UNC79: variants seen among roughly 807,000 people sequenced by gnomAD.
The protein encoded by UNC79 is protein unc-79 homolog.
Under a neutral mutation model 283.1 loss-of-function variants are expected in UNC79, and 37 were observed. The observed-to-expected ratio is 0.13, with a 90% CI of 0.10 to 0.17. The LOEUF (loss-of-function observed/expected upper bound fraction) is 0.17, where lower values mean the gene tolerates loss of function less well. UNC79 is among the 10% of genes least tolerant of loss of function. UNC79 has a pLI of 1.00. For synonymous variants in UNC79, 1,107 were observed against 1,200.2 expected, an observed-to-expected ratio of 0.92 and a Z score of 1.61; for missense variants, 2,272 against 3,211.1, an observed-to-expected ratio of 0.71 and a Z score of 7.07.
chr14:93,510,127 A>T (rs1167662281), intron 7 of UNC79, among the ~76,000 whole-genome samples: 1 of 152,184 alleles, frequency 6.6e-6, no homozygotes, highest in African/African-American at 2.4e-5. Context: ...CCTTTTAGCC[A>T]CAGCTGGAGC....
chr14:93,426,080 G>A (rs2055719481), upstream of UNC79, among the ~76,000 whole-genome samples: 1 of 151,954 alleles, frequency 6.6e-6, no homozygotes, highest in East Asian at 1.9e-4. Context: ...GGACTTTTTT[G>A]TGTGTGCCAA....
At chr14:93,571,796 T>C (rs2063220960) in intron 14 of UNC79, 98 bp from the exon 15 acceptor site, 1 of 1,254,398 alleles carries the variant, frequency 8.0e-7, no homozygotes, top group East Asian at 2.5e-5. Flanking sequence ...TGATGGATTG[T>C]GGCCTTTCTC....
At chr14:93,571,158 G>A (rs2063185948) in intron 14 of UNC79, among the ~76,000 whole-genome samples, 1 of 152,112 alleles carries the variant, frequency 6.6e-6, no homozygotes, top group South Asian at 2.1e-4. Context: ...TTAAATTAAG[G>A]TAGTTTCTCA....
At chr14:93,604,903 G>A (rs2065775353) in intron 26 of UNC79, 8 of 1,581,914 alleles carry the variant, frequency 5.1e-6, no homozygotes, top group South Asian at 1.1e-5. Context: ...AAGCTATGAG[G>A]TTGACCAGGC....
intron 4 of UNC79, among the ~76,000 whole-genome samples, chr14:93,479,945 A>G (rs566851910): frequency 1.2e-4 from 19 of 152,314 alleles, no homozygotes; most frequent in African/African-American, 1.9e-4. Context: ...GCTTTCTAAC[A>G]ATTAATCTAA....
At chr14:93,378,709 G>A (rs2054609058) in intron 1 of UNC79, among the ~76,000 whole-genome samples, 1 of 152,180 alleles carries the variant, frequency 6.6e-6, no homozygotes, top group African/African-American at 2.4e-5. Flanking sequence ...TTTTCCACTT[G>A]TGGCATCATG....
chr14:93,646,626 C>G (rs2069633422), exon 35 of UNC79: 2 of 1,613,716 alleles, frequency 1.2e-6, no homozygotes, highest in African/African-American at 2.7e-5. Flanking sequence ...CCAGTACTAC[C>G]TTTTCTAATC....
chr14:93,383,257 T>C (rs1337486413), intron 1 of UNC79, among the ~76,000 whole-genome samples: 1 of 152,202 alleles, frequency 6.6e-6, no homozygotes, highest in African/African-American at 2.4e-5. Flanking sequence ...GTAGTTTTCA[T>C]TTTCTTTCTT....
intron 7 of UNC79, among the ~76,000 whole-genome samples, chr14:93,514,903 C>T (rs992136939): frequency 2.6e-5 from 4 of 152,186 alleles, no homozygotes; most frequent in African/African-American, 9.7e-5. Context: ...TCAATACCAG[C>T]TTTTTATTAT....
At chr14:93,691,506 C>A in intron 45 of UNC79, 1 of 574,738 alleles carries the variant, frequency 1.7e-6, no homozygotes, top group Non-Finnish European at 3.1e-6. Flanking sequence ...ATTTCTTCAG[C>A]AAATTAAGGT....
intron 31 of UNC79, among the ~76,000 whole-genome samples, chr14:93,635,780 G>A (rs2068460436): frequency 6.6e-6 from 1 of 152,154 alleles, no homozygotes; most frequent in Admixed American, 6.5e-5. Flanking sequence ...GTGATATGTG[G>A]TAGTGAGCAG....
chr14:93,525,218 G>A (rs905789526), intron 8 of UNC79, among the ~76,000 whole-genome samples: 2 of 152,188 alleles, frequency 1.3e-5, no homozygotes, highest in Non-Finnish European at 2.9e-5. Flanking sequence ...GCCGAGGCGG[G>A]TGGATTGCCT....
chr14:93,638,514 T>G (rs1049164836), intron 32 of UNC79, among the ~76,000 whole-genome samples: 5 of 152,224 alleles, frequency 3.3e-5, no homozygotes, highest in Admixed American at 6.5e-5. Context: ...AGCTGGGGGA[T>G]TGATCCATGC....
At chr14:93,551,648 A>G (rs2061904998) in intron 14 of UNC79, among the ~76,000 whole-genome samples, 1 of 152,230 alleles carries the variant, frequency 6.6e-6, no homozygotes, top group African/African-American at 2.4e-5. Context: ...AAAGCACAGA[A>G]GAACAATACA....
intron 1 of UNC79, among the ~76,000 whole-genome samples, chr14:93,441,850 A>G (rs2056309698): frequency 6.6e-6 from 1 of 152,076 alleles, no homozygotes; most frequent in African/African-American, 2.4e-5. Context: ...CTCATCACTC[A>G]TTCTTATACT....
intron 14 of UNC79, among the ~76,000 whole-genome samples, chr14:93,549,164 T>A (rs1424536656): frequency 6.6e-6 from 1 of 152,198 alleles, no homozygotes; most frequent in Non-Finnish European, 1.5e-5. Context: ...AGTGAATACC[T>A]GCCATTTAAT....
intron 14 of UNC79, among the ~76,000 whole-genome samples, chr14:93,545,284 A>G (rs8004920): frequency 0.028 from 4,244 of 152,308 alleles, 216 homozygotes; most frequent in African/African-American, 0.097. Flanking sequence ...TTTTGGTTAC[A>G]AAATTAGTCT....
chr14:93,547,834 TAA>T (rs995013657), intron 14 of UNC79, among the ~76,000 whole-genome samples: 2 of 148,354 alleles, frequency 1.3e-5, no homozygotes, highest in African/African-American at 5.0e-5. Context: ...CTACAAAAAA[TAA>T]AAAAAAAATT....
intron 47 of UNC79, among the ~76,000 whole-genome samples, chr14:93,696,069 A>G (rs1165746606): frequency 7.9e-5 from 12 of 152,080 alleles, no homozygotes; most frequent in Admixed American, 2.6e-4. Flanking sequence ...CATACAGTAT[A>G]TACTTCTTTT....
Sources: gnomAD v4.1 joint callset for allele counts (sites outside exome capture counted in the v4.1 genomes callset) on GRCh38, gnomAD v4.1.1 for gene constraint, MANE v1.5 for transcripts, NCBI Gene and HGNC (gene_info 2026-07-23, HGNC 2026-07-21) for gene names.